The following GRAMD1B variants were observed in gnomAD, a reference collection of about 807,000 sequenced individuals.
GRAMD1B encodes protein Aster-B.
In GRAMD1B, 37 loss-of-function variants were observed where a neutral mutation model predicts 99.7. The observed-to-expected ratio is 0.37, with a 90% confidence interval of 0.29 to 0.49. The LOEUF is 0.49. GRAMD1B is among the 20% of genes least tolerant of loss of function. The pLI is 0.98. For missense variants in GRAMD1B, 888 were observed against 1,009.2 expected (o/e 0.88, Z 1.63); for synonymous variants, 427 against 387.6 (o/e 1.10, Z -1.19).
Position 123,547,740 on chromosome 11 carries a change from T to TA in GRAMD1B, c.453-29626dup, listed in dbSNP as rs554179843. On this transcript the variant is annotated intron_variant, in intron 2 of 19. Coordinates refer to ENST00000635736, the MANE Select transcript of GRAMD1B (RefSeq NM_001387025.1). ...TTTTTAGACCCACACTGTCTTTATT[T>TA]ATCTTTGAACAATAGGCCTTGCCGA... Among the ~76,000 whole-genome samples the TA allele has an allele frequency of 2.9e-3, 444 of 152,332 alleles. 5 individuals carry two copies. The highest frequency in any genetic ancestry group is 0.011 in the Admixed American group (169 of 15,314).
At position 123,613,536 on chromosome 11, in the gene GRAMD1B, C is replaced by T. The variant is rs1202535829; in HGVS notation, c.2105C>T (p.Thr702Ile). The T allele has an allele frequency of 3.0e-5, 49 of 1,613,546 alleles. No homozygotes were observed. Among genetic ancestry groups the T allele is most frequent in the Non-Finnish European group, 4.1e-5 (48 of 1,179,736 alleles). The part of the protein sequence containing the change: ...QSPKEKASKT[T>I]TVRRRKRPHA... Reference sequence around the variant, plus strand: ...CCCAAAGAGAAGGCCAGCAAGACTACAACGGTGCGGAGGAGGAAGCGTCCC... The same window carrying T: ...CCCAAAGAGAAGGCCAGCAAGACTATAACGGTGCGGAGGAGGAAGCGTCCC... The change falls in exon 16 of 20, where the codon ACA becomes ATA. Residue 702 changes from threonine to isoleucine, a missense_variant. Transcript: ENST00000635736.
chr11:123,454,757 T>A (rs534216652), intron 1 of GRAMD1B: 3 of 152,202 alleles, frequency 2.0e-5, no homozygotes, highest in Non-Finnish European at 2.9e-5. Context: ...GAGAAGATGC[T>A]CTTGATGCTA....
chr11:123,614,627 C>CA (rs1329886699), intron 16 of GRAMD1B, 118 bp from the exon 17 acceptor site: 10 of 607,658 alleles, frequency 1.6e-5, no homozygotes, highest in Non-Finnish European at 3.0e-5. Context: ...GTTGCTGTCA[C>CA]AGTGTCATGG....
At chr11:123,387,878 C>T (rs1210667301) in intron 1 of GRAMD1B, among the ~76,000 whole-genome samples, 3 of 151,960 alleles carry the variant, frequency 2.0e-5, no homozygotes, top group African/African-American at 7.3e-5. Flanking sequence ...AATCCCAGCA[C>T]TTTGGGAGGC....
rs1292732813 is a variant in GRAMD1B, at chr11:123,448,519, T to C, written c.374+17353T>C. On this transcript the variant is annotated intron_variant, in intron 1 of 19. Transcript: ENST00000635736. ...CAGGCATGAGCCAGCATGCCCAGCC[T>C]CCACTTTCTACTTCTAAATCCATAT... Among the ~76,000 whole-genome samples the C allele has an allele frequency of 3.3e-5, 5 of 152,186 alleles. No homozygotes were observed. The East Asian group carries it at 9.6e-4, about 29-fold the overall frequency.
rs77668068 is a variant in GRAMD1B, at chr11:123,419,797, G to T, written c.-176+60998G>T. Among the ~76,000 whole-genome samples the T allele has an allele frequency of 7.5e-3, 1,129 of 151,542 alleles. 16 individuals carry two copies. The highest frequency in any genetic ancestry group is 0.026 in the African/African-American group (1,082 of 41,290). The stretch of plus-strand genomic sequence containing the variant: ...GGAGCAAGAAAAAGGAAGGAAAGCA[G>T]TAGACTAGATTTTCAGTACCCTAGT... On this transcript the variant is annotated intron_variant, in intron 1 of 20. Coordinates refer to the GRAMD1B transcript ENST00000638157.
At chr11:123,603,966 G>C (rs1952351532) in intron 9 of GRAMD1B, among the ~76,000 whole-genome samples, 1 of 152,232 alleles carries the variant, frequency 6.6e-6, no homozygotes, top group African/African-American at 2.4e-5. Context: ...AATAGATTTT[G>C]AAGGATATGT....
intron 2 of GRAMD1B, among the ~76,000 whole-genome samples, chr11:123,497,807 A>G (rs1939455862): frequency 6.6e-6 from 1 of 151,066 alleles, no homozygotes; most frequent in Non-Finnish European, 1.5e-5. Context: ...AGGCTGAGGC[A>G]GGAGAATCGC....
At chr11:123,421,826 C>T (rs1948447248) in intron 1 of GRAMD1B, among the ~76,000 whole-genome samples, 1 of 152,088 alleles carries the variant, frequency 6.6e-6, no homozygotes, top group Non-Finnish European at 1.5e-5. Flanking sequence ...TTGAGTGTGC[C>T]TTATTCAAGT....
chr11:123,544,829 T>C (rs1484629275), intron 2 of GRAMD1B, among the ~76,000 whole-genome samples: 4 of 152,220 alleles, frequency 2.6e-5, no homozygotes, highest in African/African-American at 7.2e-5. Flanking sequence ...TTTCTGACCT[T>C]TGTGTAGAGA....
chr11:123,585,011 G>A (rs1949922051), intron 4 of GRAMD1B, among the ~76,000 whole-genome samples: 1 of 152,218 alleles, frequency 6.6e-6, no homozygotes, highest in South Asian at 2.1e-4. Context: ...CCTCTGCAGA[G>A]CAGCTGTCTG....
At chr11:123,495,678 C>CTTT (rs556302274) in intron 2 of GRAMD1B, among the ~76,000 whole-genome samples, 1 of 114,402 alleles carries the variant, frequency 8.7e-6, no homozygotes, top group Non-Finnish European at 1.9e-5. Flanking sequence ...CTTTCTTCTT[C>CTTT]TTTTTTTTTT....
chr11:123,584,733 TC>T (rs1949891484), intron 4 of GRAMD1B, among the ~76,000 whole-genome samples: 1 of 152,084 alleles, frequency 6.6e-6, no homozygotes, highest in African/African-American at 2.4e-5. Flanking sequence ...GAGAAAACTT[TC>T]CCCCATTGAT....
At chr11:123,519,785 A>G in intron 2 of GRAMD1B, among the ~76,000 whole-genome samples, 1 of 150,906 alleles carries the variant, frequency 6.6e-6, no homozygotes, top group South Asian at 2.2e-4. Context: ...ATAGGGAGCC[A>G]GAGGCTTGGA....
At chr11:123,514,675 G>T (rs549994558) in intron 2 of GRAMD1B, among the ~76,000 whole-genome samples, 3 of 152,288 alleles carry the variant, frequency 2.0e-5, no homozygotes, top group South Asian at 4.1e-4. Context: ...GAGCTGAAGC[G>T]CTGTGAAAGC....
intron 2 of GRAMD1B, among the ~76,000 whole-genome samples, chr11:123,542,528 A>G (rs1041792584): frequency 3.3e-5 from 5 of 152,200 alleles, no homozygotes; most frequent in African/African-American, 1.2e-4. Flanking sequence ...TTATCAGGGA[A>G]GTCTCCCTGG....
intron 2 of GRAMD1B, among the ~76,000 whole-genome samples, chr11:123,574,280 T>G (rs1948482017): frequency 6.6e-6 from 1 of 151,930 alleles, no homozygotes; most frequent in South Asian, 2.1e-4. Flanking sequence ...AGCATAGAGG[T>G]GTCATTTACT....
intron 2 of GRAMD1B, among the ~76,000 whole-genome samples, chr11:123,486,716 A>G (rs1937839654): frequency 6.6e-6 from 1 of 152,254 alleles, no homozygotes; most frequent in Non-Finnish European, 1.5e-5. Flanking sequence ...CTTACAAATA[A>G]ACAAGTATAA....
intron 1 of GRAMD1B, among the ~76,000 whole-genome samples, chr11:123,433,078 G>A (rs1173438372): frequency 6.6e-6 from 1 of 152,140 alleles, no homozygotes; most frequent in African/African-American, 2.4e-5. Context: ...GTCAGGCCAG[G>A]GGCGGTGGCT....
Sources: gnomAD v4.1 joint callset for allele counts (sites outside exome capture counted in the v4.1 genomes callset) on GRCh38, gnomAD v4.1.1 for gene constraint, MANE v1.5 for transcripts, NCBI Gene and HGNC (gene_info 2026-07-23, HGNC 2026-07-21) for gene names.